The following HLA-DRB5 variants were observed in gnomAD, a reference collection of about 807,000 sequenced individuals.
HLA-DRB5 encodes the protein DR beta-5.
HLA-DRB5 carries 11 observed loss-of-function variants against 22.4 expected under a neutral mutation model. That is an observed-to-expected ratio of 0.49 (90% confidence interval 0.31 to 0.81). The LOEUF (loss-of-function observed/expected upper bound fraction) is 0.81, where lower values mean the gene tolerates loss of function less well. Ranked by LOEUF, HLA-DRB5 falls within the 40% of genes least tolerant of loss-of-function variation. HLA-DRB5 has a pLI of 0.05. For missense variants in HLA-DRB5, 106 were observed against 274.4 expected, an observed-to-expected ratio of 0.39 and a Z score of 4.34; for synonymous variants, 57 against 106.0, an observed-to-expected ratio of 0.54 and a Z score of 2.84.
At chr6:32,524,671 T>C (rs796959458) in intron 1 of HLA-DRB5, among the ~76,000 whole-genome samples, 837 of 112,550 alleles carry the variant, frequency 7.4e-3, no homozygotes, top group East Asian at 0.045. Context: ...ACAATGTCTA[T>C]CTTTCTATTC....
At chr6:32,529,542 T>A (rs1192831751) in intron 1 of HLA-DRB5, among the ~76,000 whole-genome samples, 3 of 54,950 alleles carry the variant, frequency 5.5e-5, no homozygotes, top group African/African-American at 8.9e-5. Flanking sequence ...TTTTTCCCCA[T>A]AAGAAAAAGC....
chr6:32,525,978 T>A lies in HLA-DRB5; in HGVS notation c.101-3804A>T, dbSNP rs879301557. Among the ~76,000 whole-genome samples the A allele has an allele frequency of 1.7e-3, 82 of 47,372 alleles. 12 individuals are homozygous for A. The East Asian group carries it at 0.041, about 23-fold the overall frequency. 31.1% of individuals were successfully genotyped at this position (47,372 alleles called of 152,430 possible). A position where few individuals can be genotyped will look rare whatever the true frequency, so the allele number is the denominator to read the frequency against. ...CAGGGGCCCTCTAATATTTCCTTGA[T>A]AATAATGACCGAGCATCTCTGGTTC... On this transcript the variant is annotated intron_variant, in intron 1 of 5. Coordinates refer to ENST00000374975, the MANE Select transcript of HLA-DRB5 (RefSeq NM_002125.4).
chr6:32,524,605 C>CTACCTTTTTATTCCT (rs1201800326), intron 1 of HLA-DRB5, among the ~76,000 whole-genome samples: 1 of 91,162 alleles, frequency 1.1e-5, no homozygotes, highest in Non-Finnish European at 2.3e-5. Context: ...GAGACCTTCA[C>CTACCTTTTTATTCCT]AAAGCTCCGT....
intron 1 of HLA-DRB5, among the ~76,000 whole-genome samples, chr6:32,524,357 TTATC>T (rs201290725): frequency 0.11 from 12,481 of 112,466 alleles, 2 homozygotes; most frequent in Admixed American, 0.18. Flanking sequence ...TGTCCACTAA[TTATC>T]TGTAGTAGTG....
Position 32,517,846 on chromosome 6 carries a change from A to G in HLA-DRB5, c.788-94T>C, listed in dbSNP as rs114604222. 493 of 336,296 alleles carry G rather than the reference A, an allele frequency of 1.5e-3. 9 individuals are homozygous for G. The highest frequency in any genetic ancestry group is 2.7e-3 in the Admixed American group (36 of 13,124). The allele number at this position is 336,296 out of a possible 1,614,324, so 20.8% of individuals were successfully genotyped here. On this transcript the variant is annotated intron_variant, in intron 5 of 5. Transcript: ENST00000374975. ...AGGACTCAGATGAGAGCACTGCAGG[A>G]AGAAGAAAAACAAGTTCCTAAGTCT... is the stretch of plus-strand genomic sequence containing the variant.
Position 32,526,349 on chromosome 6 carries a change from C to T in HLA-DRB5, c.100+3776G>A, listed in dbSNP as rs556542190. 6.8e-3 allele frequency among the ~76,000 whole-genome samples: 145 copies of T among 21,244 alleles called. 16 individuals are homozygous for T. The highest frequency in any genetic ancestry group is 8.8e-3 in the Admixed American group (13 of 1,474). The allele number at this position is 21,244 out of a possible 152,430, so 13.9% of individuals were successfully genotyped here. A position where few individuals can be genotyped will look rare whatever the true frequency, so the allele number is the denominator to read the frequency against. ...ACATATGATGTAATCTTGGTTTTTTCCCAACATCCCTGGGCTCTTTCTTAG... is the reference window on the plus strand; with the variant it reads ...ACATATGATGTAATCTTGGTTTTTTTCCAACATCCCTGGGCTCTTTCTTAG... On this transcript the variant is annotated intron_variant, in intron 1 of 5. Coordinates refer to ENST00000374975, the MANE Select transcript of HLA-DRB5 (RefSeq NM_002125.4).
At chr6:32,524,060 G>C (rs116054316) in intron 1 of HLA-DRB5, among the ~76,000 whole-genome samples, 5 of 35,392 alleles carry the variant, frequency 1.4e-4, no homozygotes, top group African/African-American at 2.1e-4. Flanking sequence ...GGTGGTGAAC[G>C]ATCCCTGGGT....
chr6:32,518,828 G>GT (rs1380361091), intron 3 of HLA-DRB5, among the ~76,000 whole-genome samples, 162 bp from the exon 4 acceptor site: 5,021 of 72,166 alleles, frequency 0.07, 1 homozygote, highest in East Asian at 0.097. Flanking sequence ...AAATCACACT[G>GT]AACAGTTACA....
At chr6:32,529,523 CT>C (rs33918914) in intron 1 of HLA-DRB5, among the ~76,000 whole-genome samples, 11,624 of 67,262 alleles carry the variant, frequency 0.17, 2,678 homozygotes, top group Non-Finnish European at 0.18. Flanking sequence ...TCAGCTTCAG[CT>C]CCAAGGATTT....
chr6:32,519,011 A>G, intron 3 of HLA-DRB5, among the ~76,000 whole-genome samples: 1 of 101,762 alleles, frequency 9.8e-6, no homozygotes. Flanking sequence ...GAAGGCCCCT[A>G]CACTTCTCCT....
At chr6:32,522,232 A>T (rs147793404) in intron 1 of HLA-DRB5, 58 bp from the exon 2 acceptor site, 29,396 of 407,668 alleles carry the variant, frequency 0.072, 3,927 homozygotes, top group Admixed American at 0.21. Flanking sequence ...ATACTGACAG[A>T]GACGCCGCCA....
At chr6:32,519,082 G>T (rs1184617291) in intron 3 of HLA-DRB5, among the ~76,000 whole-genome samples, 1 of 121,856 alleles carries the variant, frequency 8.2e-6, no homozygotes, top group Admixed American at 8.3e-5. Context: ...CTCAGACCCA[G>T]AGGCAGGGTC....
chr6:32,519,944 A>G (rs1768622222), intron 2 of HLA-DRB5, among the ~76,000 whole-genome samples: 2 of 83,588 alleles, frequency 2.4e-5, no homozygotes, highest in Non-Finnish European at 5.1e-5. Flanking sequence ...ATTAAAACTG[A>G]TACCTGAGCC....
At chr6:32,525,824 G>T (rs1235241965) in intron 1 of HLA-DRB5, among the ~76,000 whole-genome samples, 8 of 131,160 alleles carry the variant, frequency 6.1e-5, no homozygotes, top group Non-Finnish European at 1.2e-4. Flanking sequence ...ATGGAGACCA[G>T]ATTCATTTTA....
chr6:32,528,438 T>G (rs116700313), intron 1 of HLA-DRB5, among the ~76,000 whole-genome samples: 31,324 of 59,770 alleles, frequency 0.52, 6,780 homozygotes, highest in Middle Eastern at 0.6. Context: ...TGGTTTATAT[T>G]AATAAACCAT....
chr6:32,520,934 G>GGAATTCTTACAGCAGTAATTATAAA (rs1768774813), intron 2 of HLA-DRB5, among the ~76,000 whole-genome samples: 1 of 50,124 alleles, frequency 2.0e-5, no homozygotes, highest in African/African-American at 8.3e-5. Flanking sequence ...CTAAGCCCTG[G>GGAATTCTTACAGCAGTAATTATAAA]AGATAACAGA....
Position 32,518,545 on chromosome 6 carries a change from A to G in HLA-DRB5, c.763+11T>C. The stretch of plus-strand genomic sequence containing the variant: ...AGTCTATGGAGAGAGCCGCTACCAA[A>G]GGCTCCTCACCTTTCTGATTCTTGA... On this transcript the variant is annotated intron_variant, in intron 4 of 5. Transcript: ENST00000374975. 1 of 574,346 alleles carries G rather than the reference A, an allele frequency of 1.7e-6. No individual in the cohort carries two copies. The highest frequency in any genetic ancestry group is 2.5e-6 in the Non-Finnish European group (1 of 398,228). 35.6% of individuals were successfully genotyped at this position (574,346 alleles called of 1,614,324 possible).
chr6:32,524,398 C>T (rs796767347), intron 1 of HLA-DRB5, among the ~76,000 whole-genome samples: 13,380 of 102,182 alleles, frequency 0.13, no homozygotes, highest in Admixed American at 0.19. Context: ...ATTTTATTCC[C>T]ATTTAATGCC....
chr6:32,522,104 G>C lies in HLA-DRB5; in HGVS notation c.171C>G (p.His57Gln), dbSNP rs202185589. 0.025 allele frequency: 23,713 copies of C among 935,784 alleles called. 788 individuals carry two copies. The highest frequency in any genetic ancestry group is 0.085 in the African/African-American group (2,804 of 33,006). 58.0% of individuals were successfully genotyped at this position (935,784 alleles called of 1,614,324 possible). A position where few individuals can be genotyped will look rare whatever the true frequency, so the allele number is the denominator to read the frequency against. The change falls in exon 2 of 6, where the codon CAC becomes CAG. Residue 57 changes from histidine (H) to glutamine (Q), a missense_variant. Physicochemically the swap from His to Gln is conservative, Grantham distance 24. Transcript: ENST00000374975. ...FNGTERVRFLHRDIYNQEEDL... is the reference protein window; with the variant it reads ...FNGTERVRFLQRDIYNQEEDL... ...CCTCCTCTTGGTTATAGATGTCTCT[G>C]TGCAGGAACCGCACCCGCTCCGTCC...
Sources: allele counts gnomAD v4.1 joint callset (sites outside exome capture counted in the v4.1 genomes callset), GRCh38; gene constraint gnomAD v4.1.1; transcripts MANE v1.5; gene names NCBI Gene and HGNC (gene_info 2026-07-23, HGNC 2026-07-21).